Variants in CCSER1 observed in about 807,000 individuals in gnomAD.
CCSER1 encodes the protein serine-rich coiled-coil domain-containing protein 1.
CCSER1 carries 41 observed loss-of-function variants against 82.0 expected under a neutral mutation model. That is an observed-to-expected ratio of 0.50 (90% CI 0.39 to 0.65). The LOEUF (loss-of-function observed/expected upper bound fraction) is 0.65. Among genes scored for constraint, CCSER1 ranks in the 30% least tolerant of loss-of-function variants. The pLI is 0.00. For synonymous variants in CCSER1, 414 were observed against 383.9 expected (o/e 1.08, Z -0.92); for missense variants, 1,119 against 1,064.2 (o/e 1.05, Z -0.72).
intron 3 of CCSER1, among the ~76,000 whole-genome samples, chr4:90,379,511 A>G (rs1578188275): frequency 1.3e-5 from 2 of 152,160 alleles, no homozygotes; most frequent in African/African-American, 4.8e-5. Flanking sequence ...AGTGATTGCA[A>G]TGCTTTCCCA....
At chr4:90,392,212 C>T (rs1751298388) in intron 3 of CCSER1, among the ~76,000 whole-genome samples, 1 of 151,724 alleles carries the variant, frequency 6.6e-6, no homozygotes, top group Non-Finnish European at 1.5e-5. Context: ...TATATTTATA[C>T]TCATCAGTTT....
intron 8 of CCSER1, among the ~76,000 whole-genome samples, chr4:90,832,094 TC>T (rs929764880): frequency 1.7e-4 from 26 of 151,680 alleles, no homozygotes; most frequent in African/African-American, 6.0e-4. Context: ...TCTTTTTTTT[TC>T]CTAGTTCAGT....
Position 91,583,966 on chromosome 4 carries a change from CTTTG to C in CCSER1, c.2218-14598_2218-14595del, listed in dbSNP as rs374191756. ...TTCTGGATACTAGAATGCTGTACAG[CTTTG>C]TTTGTTTCCTTACAAAATGTTCACA... On this transcript the variant is annotated intron_variant, in intron 10 of 10. Transcript: ENST00000509176. Among the ~76,000 whole-genome samples the C allele has an allele frequency of 4.4e-3, 660 of 151,536 alleles. 3 individuals carry two copies. The highest frequency in any genetic ancestry group is 0.012 in the African/African-American group (505 of 41,474).
intron 10 of CCSER1, among the ~76,000 whole-genome samples, chr4:91,505,045 T>C (rs1003519316): frequency 3.9e-5 from 6 of 152,136 alleles, no homozygotes; most frequent in African/African-American, 1.4e-4. Flanking sequence ...CCATCACCTA[T>C]GTATTAAGCC....
chr4:90,145,379 G>A (rs958697428), intron 1 of CCSER1, among the ~76,000 whole-genome samples: 1 of 152,084 alleles, frequency 6.6e-6, no homozygotes, highest in Non-Finnish European at 1.5e-5. Context: ...AACAATAAGT[G>A]TACTCCTGCC....
At chr4:91,489,030 G>T (rs1481137520) in intron 10 of CCSER1, among the ~76,000 whole-genome samples, 1 of 152,216 alleles carries the variant, frequency 6.6e-6, no homozygotes, top group African/African-American at 2.4e-5. Context: ...ATTCCTTTCA[G>T]ATGGTTACAT....
intron 8 of CCSER1, among the ~76,000 whole-genome samples, chr4:90,850,276 G>A (rs1055238533): frequency 2.6e-5 from 4 of 152,198 alleles, no homozygotes; most frequent in Admixed American, 1.3e-4. Context: ...CTCACTAGGC[G>A]ATGGCCCAGT....
At chr4:90,574,994 T>C (rs955417554) in intron 5 of CCSER1, among the ~76,000 whole-genome samples, 6 of 150,762 alleles carry the variant, frequency 4.0e-5, no homozygotes, top group Non-Finnish European at 8.8e-5. Context: ...TTTACTATTT[T>C]CTCTCAAATT....
At chr4:90,507,318 A>C (rs568278294) in intron 5 of CCSER1, among the ~76,000 whole-genome samples, 41 of 152,088 alleles carry the variant, frequency 2.7e-4, no homozygotes, top group African/African-American at 7.0e-4. Flanking sequence ...AAAAAAAAAA[A>C]CAATAAGAGG....
intron 10 of CCSER1, among the ~76,000 whole-genome samples, chr4:91,225,830 AG>A (rs908040395): frequency 7.2e-5 from 11 of 151,866 alleles, no homozygotes; most frequent in African/African-American, 2.4e-4. Context: ...AACCTTTAAA[AG>A]GGGTTAGAAT....
rs534356339 is a variant in CCSER1 at position 91,335,711 on chromosome 4, AGAT to A, written c.2217+249718_2217+249720del. Among the ~76,000 whole-genome samples, 494 of 152,204 alleles carry A rather than the reference AGAT, an allele frequency of 3.2e-3. 2 individuals carry two copies. Among genetic ancestry groups the A allele is most frequent in the Non-Finnish European group, 3.7e-3 (251 of 67,990 alleles). The stretch of plus-strand genomic sequence containing the variant: ...GTCAGGGAAATATTTCAGGTGAAGA[AGAT>A]ACAGCATTGGGGCAGTCAGATCAGT... On this transcript the variant is annotated intron_variant, in intron 10 of 10. Transcript: ENST00000509176.
At chr4:90,914,342 A>T (rs1469947636) in intron 8 of CCSER1, among the ~76,000 whole-genome samples, 2 of 152,184 alleles carry the variant, frequency 1.3e-5, no homozygotes, top group African/African-American at 4.8e-5. Context: ...TAAGAAAATC[A>T]CTCAAAACCG....
At chr4:90,364,253 G>A (rs1042105247) in intron 3 of CCSER1, among the ~76,000 whole-genome samples, 17 of 151,942 alleles carry the variant, frequency 1.1e-4, no homozygotes, top group African/African-American at 4.1e-4. Flanking sequence ...CAAATTGTCT[G>A]TCTCTCTCCC....
chr4:90,954,411 G>C (rs1257973376), intron 9 of CCSER1, among the ~76,000 whole-genome samples: 1 of 151,626 alleles, frequency 6.6e-6, no homozygotes, highest in Non-Finnish European at 1.5e-5. Context: ...TTCAGTTTTT[G>C]TTTATATTTA....
At chr4:91,337,091 C>T (rs1006377986) in intron 10 of CCSER1, among the ~76,000 whole-genome samples, 2 of 152,028 alleles carry the variant, frequency 1.3e-5, no homozygotes, top group Non-Finnish European at 2.9e-5. Context: ...GTTAGTTTAT[C>T]CAACAGCTGC....
intron 9 of CCSER1, among the ~76,000 whole-genome samples, chr4:91,076,650 C>T (rs1469167164): frequency 6.6e-6 from 1 of 151,664 alleles, no homozygotes; most frequent in Non-Finnish European, 1.5e-5. Flanking sequence ...TAATATTTAC[C>T]TTGACTTCTG....
At chr4:91,285,973 T>C (rs1178813292) in intron 10 of CCSER1, among the ~76,000 whole-genome samples, 1 of 151,358 alleles carries the variant, frequency 6.6e-6, no homozygotes, top group Non-Finnish European at 1.5e-5. Context: ...TTTGTTTTGT[T>C]TTTTTTTTCC....
chr4:91,533,354 TG>T (rs1304277891), intron 10 of CCSER1, among the ~76,000 whole-genome samples: 1 of 152,194 alleles, frequency 6.6e-6, no homozygotes, highest in Non-Finnish European at 1.5e-5. Flanking sequence ...AGTTTTCCTA[TG>T]ATTACAGAAT....
At position 90,386,556 on chromosome 4, in the gene CCSER1, A is replaced by G. The variant is rs1320027124; in HGVS notation, c.1510-13480A>G. On this transcript the variant is annotated intron_variant, in intron 3 of 10. Transcript: ENST00000509176. The stretch of plus-strand genomic sequence containing the variant: ...CCATAAAATACCCTAAAAATTCTAA[A>G]AGGAAACTTAGGAAAAACTCTTCAG... Among the ~76,000 whole-genome samples, 3 of 152,186 alleles carry G rather than the reference A, an allele frequency of 2.0e-5. No individual in the cohort carries two copies. The East Asian group carries it at 5.8e-4, about 29-fold the overall frequency.
Sources: allele counts gnomAD v4.1 joint callset (sites outside exome capture counted in the v4.1 genomes callset), GRCh38; gene constraint gnomAD v4.1.1; transcripts MANE v1.5; gene names NCBI Gene and HGNC (gene_info 2026-07-23, HGNC 2026-07-21).